Variants in TRIO observed in about 807,000 individuals in gnomAD.
TRIO encodes the protein triple functional domain protein.
TRIO carries 58 observed loss-of-function variants against 351.9 expected under a neutral mutation model. That is an observed-to-expected ratio of 0.16 (90% confidence interval 0.13 to 0.21). The LOEUF (loss-of-function observed/expected upper bound fraction) is 0.21. Among genes scored for constraint, TRIO ranks in the 10% least tolerant of loss-of-function variants. TRIO has a pLI of 1.00. For missense variants in TRIO, 3,201 were observed against 4,027.8 expected, an observed-to-expected ratio of 0.79 and a Z score of 5.56; for synonymous variants, 1,758 against 1,595.7, an observed-to-expected ratio of 1.10 and a Z score of -2.42.
At chr5:14,336,229 A>G (rs1741401848) in intron 10 of TRIO, among the ~76,000 whole-genome samples, 1 of 152,160 alleles carries the variant, frequency 6.6e-6, no homozygotes, top group Non-Finnish European at 1.5e-5. Context: ...TCCTGACTCC[A>G]CCTTGGCAAA....
At chr5:14,439,630 T>C (rs1329651728) in intron 34 of TRIO, among the ~76,000 whole-genome samples, 1 of 152,260 alleles carries the variant, frequency 6.6e-6, no homozygotes, top group Non-Finnish European at 1.5e-5. Context: ...GAGGAGGTTA[T>C]TTATTTGGCA....
At position 14,487,983 on chromosome 5, in the gene TRIO, G is replaced by GGGCCGC; in HGVS notation, c.7356_7361dup (p.Ala2453_Ala2454dup). 1 of 1,557,650 alleles carries GGGCCGC rather than the reference G, an allele frequency of 6.4e-7. No individual in the cohort carries two copies. The highest frequency in any genetic ancestry group is 8.7e-7 in the Non-Finnish European group (1 of 1,152,004). ...CTGCCGCTTGGGAAGCCCCGGGCCG[G>GGGCCGC]GGCCGCTTCGCCGCTGAACTCGCCG... On this transcript the variant is annotated inframe_insertion, in exon 48 of 57. Transcript: ENST00000344204.
intron 1 of TRIO, among the ~76,000 whole-genome samples, chr5:14,199,418 T>C (rs993654288): frequency 6.6e-6 from 1 of 152,240 alleles, no homozygotes; most frequent in Middle Eastern, 3.2e-3. Context: ...AGCTGTGTTA[T>C]CTTGCTTTCA....
At chr5:14,432,010 C>T (rs921652122) in intron 34 of TRIO, among the ~76,000 whole-genome samples, 5 of 152,192 alleles carry the variant, frequency 3.3e-5, no homozygotes, top group Non-Finnish European at 7.3e-5. Flanking sequence ...TTCTGAGATA[C>T]TGGGGATTTG....
chr5:14,426,219 C>T (rs62345049), intron 34 of TRIO, among the ~76,000 whole-genome samples: 15,190 of 103,518 alleles, frequency 0.15, 1,366 homozygotes, highest in African/African-American at 0.27. Context: ...GTCTCATAGA[C>T]GCACATGTAC....
Position 14,329,897 on chromosome 5 carries a change from G to T in TRIO, c.1732-881G>T, listed in dbSNP as rs549254888. Among the ~76,000 whole-genome samples the T allele has an allele frequency of 1.4e-3, 206 of 152,268 alleles. 1 individual carries two copies. The highest frequency in any genetic ancestry group is 1.8e-3 in the Non-Finnish European group (120 of 68,024). ...GTCCTGCATTTGGTCCTCTGTATAT[G>T]TGGGCTTCACGTTCTGCAAATACTG... is the stretch of plus-strand genomic sequence containing the variant. On this transcript the variant is annotated intron_variant, in intron 9 of 56. Coordinates refer to ENST00000344204, the MANE Select transcript of TRIO (RefSeq NM_007118.4).
At chr5:14,360,888 A>G (rs114577279) in intron 13 of TRIO, among the ~76,000 whole-genome samples, 1 of 152,250 alleles carries the variant, frequency 6.6e-6, no homozygotes, top group Non-Finnish European at 1.5e-5. Flanking sequence ...AACATGTGGC[A>G]TGGTGAAACC....
At chr5:14,374,945 G>A (rs566457863) in intron 19 of TRIO, among the ~76,000 whole-genome samples, 1 of 152,138 alleles carries the variant, frequency 6.6e-6, no homozygotes, top group South Asian at 2.1e-4. Flanking sequence ...AGAAACTAAG[G>A]CACAAAGCAA....
In TRIO at chr5:14,378,077, C is replaced by T. The variant is rs756564362; in HGVS notation, c.3397C>T (p.Arg1133Trp). 13 of 1,613,480 alleles carry T rather than the reference C, an allele frequency of 8.1e-6. No homozygotes were observed. Among genetic ancestry groups the T allele is most frequent in the Admixed American group, 1.7e-5 (1 of 59,942 alleles). Residue 1133 changes from arginine (R) to tryptophan (W), a missense_variant, in exon 20 of 57, where the codon CGG becomes TGG. By Grantham distance (101) the Arg-to-Trp change is moderately radical. This residue lies in a region of TRIO where 201 missense variants were observed against 266.5 expected (regional missense o/e 0.75). Transcript: ENST00000344204. ...GCATTACTGGACCATGAGGAAGAGA[C>T]GGCTGGACCAGTGTCAGCAGTACGT... ...VLHYWTMRKRRLDQCQQYVVF... is the reference protein window; with the variant it reads ...VLHYWTMRKRWLDQCQQYVVF...
At chr5:14,226,552 AG>A (rs1793044577) in intron 1 of TRIO, among the ~76,000 whole-genome samples, 1 of 152,246 alleles carries the variant, frequency 6.6e-6, no homozygotes, top group African/African-American at 2.4e-5. Flanking sequence ...GCTAGATAGA[AG>A]GGTTTTTATA....
At chr5:14,451,591 C>T (rs570010303) in intron 34 of TRIO, among the ~76,000 whole-genome samples, 16 of 152,374 alleles carry the variant, frequency 1.1e-4, no homozygotes, top group Non-Finnish European at 2.2e-4. Flanking sequence ...CTTGACAAGA[C>T]AGAAGTTTGA....
At chr5:14,359,833 C>T (rs1372820552) in intron 13 of TRIO, among the ~76,000 whole-genome samples, 1 of 152,220 alleles carries the variant, frequency 6.6e-6, no homozygotes, top group Non-Finnish European at 1.5e-5. Context: ...GCCAGCACAG[C>T]TTTCTCTCGG....
Position 14,387,584 on chromosome 5 carries a change from G to A in TRIO, c.3717G>A (p.Arg1239=), listed in dbSNP as rs753768541. ...RDFSLRMEKY[R]TSLEKALGIS... is the part of the protein sequence containing the mutation. The stretch of plus-strand genomic sequence containing the variant: ...TCTCTCTGCGGATGGAGAAGTACAG[G>A]ACCTCTTTGGAAAAAGCCCTGGGGA... Residue 1239 remains arginine, a synonymous_variant, in exon 22 of 57, where the codon AGG becomes AGA. Transcript: ENST00000344204. 7 of 1,613,882 alleles carry A rather than the reference G, an allele frequency of 4.3e-6. No individual in the cohort carries two copies. The Admixed American group carries it at 1.0e-4, about 23-fold the overall frequency.
intron 10 of TRIO, among the ~76,000 whole-genome samples, chr5:14,331,112 G>T (rs1263914008): frequency 6.6e-6 from 1 of 152,236 alleles, no homozygotes; most frequent in Non-Finnish European, 1.5e-5. Context: ...CGATGTTCTT[G>T]GAACAGAAAT....
rs549797335 is a variant in TRIO, at chr5:14,284,206, T to G, written c.348-2665T>G. 2.6e-5 allele frequency among the ~76,000 whole-genome samples: 4 copies of G among 152,326 alleles called. No homozygotes were observed. The South Asian group carries it at 8.3e-4, about 32-fold the overall frequency. ...GGACCTTATTTTTATGTGAACTTTC[T>G]TTATCTCACAGATAAACATGAGGCT... On this transcript the variant is annotated intron_variant, in intron 3 of 56. Transcript: ENST00000344204.
At chr5:14,194,576 T>A (rs964746315) in intron 1 of TRIO, among the ~76,000 whole-genome samples, 2 of 152,248 alleles carry the variant, frequency 1.3e-5, no homozygotes, top group Middle Eastern at 3.4e-3. Context: ...GTTTCAAGGG[T>A]GGGATGTTAT....
intron 33 of TRIO, among the ~76,000 whole-genome samples, chr5:14,418,130 C>T (rs1486564913): frequency 2.0e-5 from 3 of 152,132 alleles, no homozygotes; most frequent in Non-Finnish European, 2.9e-5. Flanking sequence ...AGGGACTTCT[C>T]GGAGCCAGTG....
chr5:14,321,200 G>A (rs1739847025), intron 9 of TRIO, among the ~76,000 whole-genome samples: 1 of 152,234 alleles, frequency 6.6e-6, no homozygotes, highest in Non-Finnish European at 1.5e-5. Context: ...TGAGGAGAAG[G>A]TCAGTAGATT....
intron 3 of TRIO, among the ~76,000 whole-genome samples, chr5:14,281,436 C>T (rs990445662): frequency 4.8e-5 from 6 of 123,934 alleles, no homozygotes; most frequent in East Asian, 2.9e-4. Context: ...CCCCCCCCCC[C>T]GCCCCGTGAT....
Sources: gnomAD v4.1 joint callset for allele counts (sites outside exome capture counted in the v4.1 genomes callset) on GRCh38, gnomAD v4.1.1 for gene constraint, gnomAD v4.1.1 regional missense constraint, MANE v1.5 for transcripts, NCBI Gene and HGNC (gene_info 2026-07-23, HGNC 2026-07-21) for gene names.